Variants in CRPPA observed in about 807,000 individuals in gnomAD.
CRPPA encodes the protein CDP-L-ribitol pyrophosphorylase A.
A neutral mutation model predicts 52.0 loss-of-function variants in CRPPA; 43 were observed. That is an observed-to-expected ratio of 0.83 (90% confidence interval 0.65 to 1.07). The LOEUF (loss-of-function observed/expected upper bound fraction) is 1.07. Ranked by LOEUF, CRPPA falls within the 50% of genes least tolerant of loss-of-function variation. CRPPA has a pLI of 0.00. For synonymous variants in CRPPA, 250 were observed against 203.5 expected, an observed-to-expected ratio of 1.23 and a Z score of -1.94; for missense variants, 629 against 551.7, an observed-to-expected ratio of 1.14 and a Z score of -1.40.
At chr7:16,243,640 T>A (rs922043703) in intron 8 of CRPPA, among the ~76,000 whole-genome samples, 2 of 152,104 alleles carry the variant, frequency 1.3e-5, no homozygotes, top group Non-Finnish European at 2.9e-5. Context: ...TTTTTAGAAA[T>A]CTAGAAGTAC....
intron 4 of CRPPA, among the ~76,000 whole-genome samples, chr7:16,306,717 TGTGGGTCAG>T (rs1380820287): frequency 2.6e-5 from 4 of 152,120 alleles, no homozygotes; most frequent in African/African-American, 4.8e-5. Context: ...TCTAAAGAAA[TGTGGGTCAG>T]GACCTTTAAT....
rs11976934 is a variant in CRPPA at position 16,372,345 on chromosome 7, G to T, written c.684+3747C>A. On this transcript the variant is annotated intron_variant, in intron 3 of 9. Coordinates refer to ENST00000407010, the MANE Select transcript of CRPPA (RefSeq NM_001101426.4). ...AGGAAAACCTATTAGACTAACAGCA[G>T]ATTTCTCAGCAGAAACCTTACATGC... 2.4e-4 allele frequency among the ~76,000 whole-genome samples: 36 copies of T among 152,138 alleles called. No homozygotes were observed. The East Asian group carries it at 7.0e-3, about 30-fold the overall frequency.
chr7:16,379,355 G>C (rs551998370), intron 2 of CRPPA, among the ~76,000 whole-genome samples: 1 of 152,258 alleles, frequency 6.6e-6, no homozygotes, highest in African/African-American at 2.4e-5. Context: ...CTATATCTCT[G>C]TTTCGGTACC....
At chr7:16,343,045 A>T (rs1583534465) in intron 3 of CRPPA, among the ~76,000 whole-genome samples, 2 of 151,900 alleles carry the variant, frequency 1.3e-5, no homozygotes, top group South Asian at 4.2e-4. Context: ...GTCTCAAAAA[A>T]ATAAATAAGT....
chr7:16,124,597 G>A (rs189728907), intron 9 of CRPPA, among the ~76,000 whole-genome samples: 142 of 152,222 alleles, frequency 9.3e-4, no homozygotes, highest in African/African-American at 3.3e-3. Context: ...TTGGTTAGTA[G>A]ATACAAAATT....
chr7:16,101,985 GC>G (rs1372988206), intron 9 of CRPPA, among the ~76,000 whole-genome samples: 2 of 152,024 alleles, frequency 1.3e-5, no homozygotes. Flanking sequence ...CCAAAAAAGA[GC>G]CCATACAGCC....
chr7:16,403,456 C>T (rs372739085), intron 2 of CRPPA, among the ~76,000 whole-genome samples: 1 of 151,990 alleles, frequency 6.6e-6, no homozygotes, highest in Non-Finnish European at 1.5e-5. Flanking sequence ...ATACATAACC[C>T]ACCCCTCCCC....
At chr7:16,396,790 ATGTG>A (rs1787586362) in intron 2 of CRPPA, among the ~76,000 whole-genome samples, 10 of 152,382 alleles carry the variant, frequency 6.6e-5, no homozygotes, top group Middle Eastern at 3.4e-3. Flanking sequence ...AAGACGTGAT[ATGTG>A]TGTAACTAAA....
intron 9 of CRPPA, among the ~76,000 whole-genome samples, chr7:16,123,113 G>C (rs1782509545): frequency 6.6e-6 from 1 of 152,010 alleles, no homozygotes; most frequent in Non-Finnish European, 1.5e-5. Flanking sequence ...TTATAGTTTG[G>C]CTGCTTATAA....
intron 9 of CRPPA, among the ~76,000 whole-genome samples, chr7:16,145,919 G>C (rs913335551): frequency 6.6e-6 from 1 of 152,072 alleles, no homozygotes; most frequent in Admixed American, 6.5e-5. Context: ...AATAATGACA[G>C]AAAACTCCCA....
intron 6 of CRPPA, among the ~76,000 whole-genome samples, chr7:16,275,658 G>C (rs904153184): frequency 1.3e-5 from 2 of 151,824 alleles, no homozygotes; most frequent in Non-Finnish European, 2.9e-5. Flanking sequence ...GGAGACTCCT[G>C]TCTCTACAAA....
At chr7:16,365,257 T>A (rs1292824925) in intron 3 of CRPPA, among the ~76,000 whole-genome samples, 2 of 152,184 alleles carry the variant, frequency 1.3e-5, no homozygotes, top group African/African-American at 4.8e-5. Context: ...GAGGGAGATG[T>A]CAGATGAACT....
chr7:16,227,370 T>C (rs1782678739), intron 8 of CRPPA, among the ~76,000 whole-genome samples: 1 of 151,786 alleles, frequency 6.6e-6, no homozygotes, highest in African/African-American at 2.4e-5. Flanking sequence ...AATGTATGGG[T>C]TCCCTTTTCT....
In CRPPA at chr7:16,091,723, C is replaced by T. The variant is rs1781842080; in HGVS notation, c.1328G>A (p.Gly443Glu). ...IASLIKERNSGLIGQLLIA is the reference protein window; with the variant it reads ...IASLIKERNSELIGQLLIA Reference sequence around the variant, plus strand: ...TGCTATCAGAAGCTGACCAATGAGTCCAGAATTTCTTTCCTTGATTAATGA... The same window carrying T: ...TGCTATCAGAAGCTGACCAATGAGTTCAGAATTTCTTTCCTTGATTAATGA... Residue 443 changes from glycine (G) to glutamate (E), a missense_variant, in exon 10 of 10, where the codon GGA becomes GAA. Physicochemically the swap from Gly to Glu is moderately conservative, Grantham distance 98 (BLOSUM62 -2). Coordinates refer to ENST00000407010, the MANE Select transcript of CRPPA (RefSeq NM_001101426.4). 1 of 1,559,556 alleles carries T rather than the reference C, an allele frequency of 6.4e-7. No homozygotes were observed. The highest frequency in any genetic ancestry group is 8.7e-7 in the Non-Finnish European group (1 of 1,150,172).
In CRPPA at chr7:16,171,775, G is replaced by A. The variant is rs1781192507; in HGVS notation, c.1251+44291C>T. Among the ~76,000 whole-genome samples, 5 of 152,084 alleles carry A rather than the reference G, an allele frequency of 3.3e-5. No individual in the cohort carries two copies. The South Asian group carries it at 1.0e-3, about 32-fold the overall frequency. On this transcript the variant is annotated intron_variant, in intron 9 of 9. Coordinates refer to ENST00000407010, the MANE Select transcript of CRPPA (RefSeq NM_001101426.4). ...GCCACTGCACTCAGCCTGGGCAACA[G>A]AGTGAGACTCTGTCTCAAAAATAAG...
At chr7:16,181,588 A>C (rs1781413640) in intron 9 of CRPPA, among the ~76,000 whole-genome samples, 1 of 152,024 alleles carries the variant, frequency 6.6e-6, no homozygotes, top group Non-Finnish European at 1.5e-5. Context: ...GAAATTGATT[A>C]TTTTCATTGC....
chr7:16,209,750 G>A (rs992829277), intron 9 of CRPPA, among the ~76,000 whole-genome samples: 1 of 152,110 alleles, frequency 6.6e-6, no homozygotes, highest in Non-Finnish European at 1.5e-5. Context: ...ATAAGAACAC[G>A]CTACTAAACA....
chr7:16,220,800 C>T (rs1433151243), intron 8 of CRPPA, among the ~76,000 whole-genome samples: 1 of 151,936 alleles, frequency 6.6e-6, no homozygotes, highest in African/African-American at 2.4e-5. Context: ...AAAGAGGATA[C>T]AAACAAATGG....
intron 9 of CRPPA, among the ~76,000 whole-genome samples, chr7:16,168,803 T>C (rs755321431): frequency 2.6e-5 from 4 of 152,036 alleles, no homozygotes; most frequent in Non-Finnish European, 4.4e-5. Flanking sequence ...GAAAAAGAAA[T>C]GTATACTATA....
Sources: gnomAD v4.1 joint callset for allele counts (sites outside exome capture counted in the v4.1 genomes callset) on GRCh38, gnomAD v4.1.1 for gene constraint, MANE v1.5 for transcripts, NCBI Gene and HGNC (gene_info 2026-07-23, HGNC 2026-07-21) for gene names.